The following FLNB variants were observed in gnomAD, a reference collection of about 807,000 sequenced individuals.
FLNB encodes the protein filamin B, also known as filamin-B.
A neutral mutation model predicts 250.6 loss-of-function variants in FLNB; 111 were observed. The observed-to-expected ratio is 0.44, with a 90% confidence interval of 0.38 to 0.52. The LOEUF (loss-of-function observed/expected upper bound fraction) is 0.52, where lower values mean the gene tolerates loss of function less well. Among genes scored for constraint, FLNB ranks in the 20% least tolerant of loss-of-function variants. The probability of loss-of-function intolerance (pLI) is 0.00; values close to 1 mark genes in which losing one functional copy is unlikely to be tolerated. For missense variants in FLNB, 2,869 were observed against 3,447.8 expected, an observed-to-expected ratio of 0.83 and a Z score of 4.20; for synonymous variants, 1,302 against 1,372.1, an observed-to-expected ratio of 0.95 and a Z score of 1.13.
At chr3:58,157,065 C>T (rs2097354513) in intron 41 of FLNB, among the ~76,000 whole-genome samples, 2 of 152,202 alleles carry the variant, frequency 1.3e-5, no homozygotes, top group South Asian at 4.1e-4. Flanking sequence ...TTGCATAGTC[C>T]ATCCCATTAG....
chr3:58,083,769 A>G (rs1220797192), intron 4 of FLNB, among the ~76,000 whole-genome samples: 4 of 152,090 alleles, frequency 2.6e-5, no homozygotes. Context: ...ACCCCTTACC[A>G]TTTGAGGTTC....
At chr3:58,036,880 C>T (rs562014483) in intron 1 of FLNB, among the ~76,000 whole-genome samples, 139 of 152,224 alleles carry the variant, frequency 9.1e-4, no homozygotes, top group Admixed American at 2.6e-3. Flanking sequence ...TGACCTCTTT[C>T]ACTGTCTATA....
At chr3:58,162,518 T>G (rs1471117472) in intron 42 of FLNB, 5 of 152,598 alleles carry the variant, frequency 3.3e-5, no homozygotes, top group Non-Finnish European at 5.8e-5. Flanking sequence ...AGTGGCCAAA[T>G]AGAGAAACAT....
At chr3:58,163,998 C>CT (rs1258854727) in intron 43 of FLNB, 1 of 152,380 alleles carries the variant, frequency 6.6e-6, no homozygotes, top group East Asian at 1.9e-4. Flanking sequence ...AAGCAAACGG[C>CT]TCTGGGAAGG....
At chr3:58,085,187 A>T (rs2097215528) in intron 4 of FLNB, among the ~76,000 whole-genome samples, 1 of 152,176 alleles carries the variant, frequency 6.6e-6, no homozygotes, top group African/African-American at 2.4e-5. Context: ...TCTTTTAGGG[A>T]TATACCCAGA....
In FLNB at chr3:58,136,526, T is replaced by C. The variant is rs536285466; in HGVS notation, c.4861+358T>C. 2.0e-5 allele frequency among the ~76,000 whole-genome samples: 3 copies of C among 152,322 alleles called. No individual in the cohort carries two copies. The South Asian group carries it at 6.2e-4, about 32-fold the overall frequency. On this transcript the variant is annotated intron_variant, in intron 28 of 45. Transcript: ENST00000295956. ...TGAAAAGCAGCACATTTCTGCCTTT[T>C]ATGAGTAGATAGTTACTCAGGATTC... is the stretch of plus-strand genomic sequence containing the variant.
In FLNB at chr3:58,153,596, C is replaced by T. The variant is rs201211965; in HGVS notation, c.6589C>T (p.Arg2197Trp). 27 of 1,614,096 alleles carry T rather than the reference C, an allele frequency of 1.7e-5. No homozygotes were observed. The highest frequency in any genetic ancestry group is 8.3e-5 in the Admixed American group (5 of 60,006). Residue 2197 changes from arginine to tryptophan, a missense_variant, in exon 39 of 46, where the codon CGG becomes TGG. Arg to Trp is a moderately radical substitution (Grantham distance 101, BLOSUM62 -3). Around this residue, in one of 5 missense-constraint regions of FLNB, gnomAD observed 1,084 missense variants for 1,315.5 expected, o/e 0.82. Transcript: ENST00000295956. The stretch of plus-strand genomic sequence containing the variant: ...TGGTGAAGGAGGCGCCCACAAGGTG[C>T]GGGCAGGAGGCCCTGGCCTGGAGAG... ...PLGEGGAHKV[R>W]AGGPGLERGE...
chr3:58,041,460 A>C (rs1055128458), intron 1 of FLNB, among the ~76,000 whole-genome samples: 1 of 152,118 alleles, frequency 6.6e-6, no homozygotes, highest in Admixed American at 6.5e-5. Flanking sequence ...GCAGGCCTTC[A>C]GTGGTGAGGA....
rs34503609 is a variant in FLNB, at chr3:58,018,962, CAAAAA to C, written c.292+10125_292+10129del. 1.5e-4 allele frequency among the ~76,000 whole-genome samples: 11 copies of C among 71,402 alleles called. No homozygotes were observed. The Admixed American group carries it at 1.8e-3, about 12-fold the overall frequency. 46.8% of individuals were successfully genotyped at this position (71,402 alleles called of 152,430 possible). A position where few individuals can be genotyped will look rare whatever the true frequency, so the allele number is the denominator to read the frequency against. On this transcript the variant is annotated intron_variant, in intron 1 of 45. Transcript: ENST00000295956. ...CAGCCTGGGTGAGATCACATCTCTA[CAAAAA>C]AAAAAAAAAAAAAAAAAATTATCTG...
rs767365016 is a variant in FLNB, at chr3:58,141,919, T to G, written c.5171T>G (p.Phe1724Cys). 3 of 1,614,126 alleles carry G rather than the reference T, an allele frequency of 1.9e-6. No individual in the cohort carries two copies. Among genetic ancestry groups the G allele is most frequent in the Non-Finnish European group, 2.5e-6 (3 of 1,179,980 alleles). ...CCGGTAAATGCATGTCCCCCTGGAT[T>G]CAGGCCCTGGGTACAATTTTGGTTT... ...EAPVNACPPGFRPWVTEEAYV... is the reference protein window; with the variant it reads ...EAPVNACPPGCRPWVTEEAYV... The change falls in exon 30 of 46, where the codon TTC (phenylalanine) becomes TGC (cysteine). Residue 1724 changes from phenylalanine to cysteine, a missense_variant. Around this residue, in one of 5 missense-constraint regions of FLNB, gnomAD observed 1,084 missense variants for 1,315.5 expected, o/e 0.82. Coordinates refer to ENST00000295956, the MANE Select transcript of FLNB (RefSeq NM_001457.4).
rs2097202896 is a variant in FLNB, at chr3:58,077,218, C to G, written c.465C>G (p.Tyr155Ter). Residue 155 changes from tyrosine (Y) to a stop codon, truncating the protein, a stop_gained, in exon 2 of 46, where the codon TAC (tyrosine) becomes TAG (stop). Coordinates refer to ENST00000295956, the MANE Select transcript of FLNB (RefSeq NM_001457.4). LOFTEE classifies it high-confidence loss of function. ...GGTGGATTCAGAACAAGATCCCCTACTTGCCCATCACCAACTTTAACCAGA... is the reference window on the plus strand; with the variant it reads ...GGTGGATTCAGAACAAGATCCCCTAGTTGCCCATCACCAACTTTAACCAGA... ...LLGWIQNKIP[Y>*]LPITNFNQNW... 6.2e-7 allele frequency: 1 copy of G among 1,614,178 alleles called. No individual in the cohort carries two copies. The highest frequency in any genetic ancestry group is 8.5e-7 in the Non-Finnish European group (1 of 1,180,024).
chr3:58,125,102 A>G (rs1332244743), intron 22 of FLNB, among the ~76,000 whole-genome samples: 1 of 152,142 alleles, frequency 6.6e-6, no homozygotes, highest in Non-Finnish European at 1.5e-5. Context: ...TGTATTATTT[A>G]AAAGTCAGAT....
intron 4 of FLNB, among the ~76,000 whole-genome samples, chr3:58,087,151 A>T (rs1332510223): frequency 6.6e-6 from 1 of 152,186 alleles, no homozygotes; most frequent in African/African-American, 2.4e-5. Context: ...ATAAAGCAGC[A>T]GCTCAAGGTG....
At chr3:58,083,175 T>C (rs929287885) in intron 4 of FLNB, among the ~76,000 whole-genome samples, 8 of 152,150 alleles carry the variant, frequency 5.3e-5, no homozygotes, top group African/African-American at 1.9e-4. Flanking sequence ...TGATTAAGGT[T>C]CACTTACTAC....
chr3:58,013,252 A>G (rs1157790857), intron 1 of FLNB, among the ~76,000 whole-genome samples: 1 of 152,188 alleles, frequency 6.6e-6, no homozygotes, highest in East Asian at 1.9e-4. Flanking sequence ...AGAGAAAGGA[A>G]TTGTTTCCTT....
chr3:58,118,018 C>T (rs921867645), intron 18 of FLNB, among the ~76,000 whole-genome samples: 1 of 152,138 alleles, frequency 6.6e-6, no homozygotes, highest in African/African-American at 2.4e-5. Flanking sequence ...TCTTGATCTA[C>T]TGAGACAGCC....
chr3:58,028,021 G>A lies in FLNB; in HGVS notation c.292+19165G>A, dbSNP rs563423353. Reference sequence around the variant, plus strand: ...TGAAGGTAACCTAGCACTACATTGAGCCTTTTCCTTGACCTGCTCAGGAGG... The same window carrying A: ...TGAAGGTAACCTAGCACTACATTGAACCTTTTCCTTGACCTGCTCAGGAGG... On this transcript the variant is annotated intron_variant, in intron 1 of 45. Transcript: ENST00000295956. Among the ~76,000 whole-genome samples, 3 of 152,340 alleles carry A rather than the reference G, an allele frequency of 2.0e-5. No individual in the cohort carries two copies. The South Asian group carries it at 6.2e-4, about 32-fold the overall frequency.
In FLNB at chr3:58,159,652, C is replaced by A; in HGVS notation, c.6987C>A (p.Ala2329=). Residue 2329 remains alanine, a synonymous_variant, in exon 42 of 46, where the codon GCC becomes GCA. Transcript: ENST00000295956. ...CAAAGGTGCACAGCCCCTCTGGAGC[C>A]GTGGAGGAGTGCCACGTGTCTGAGC... The part of the protein sequence containing the change: ...IDAKVHSPSG[A]VEECHVSELE... 1.2e-6 allele frequency: 2 copies of A among 1,613,900 alleles called. No homozygotes were observed. The highest frequency in any genetic ancestry group is 2.2e-5 in the East Asian group (1 of 44,878).
intron 9 of FLNB, among the ~76,000 whole-genome samples, chr3:58,103,094 C>G (rs1487789669): frequency 6.6e-6 from 1 of 152,140 alleles, no homozygotes; most frequent in African/African-American, 2.4e-5. Flanking sequence ...TCCCAACAGG[C>G]TGGGGCAGGA....
Sources: gnomAD v4.1 joint callset for allele counts (sites outside exome capture counted in the v4.1 genomes callset) on GRCh38, gnomAD v4.1.1 for gene constraint, gnomAD v4.1.1 regional missense constraint, MANE v1.5 for transcripts, NCBI Gene and HGNC (gene_info 2026-07-23, HGNC 2026-07-21) for gene names.